SLC22A15: variants seen among roughly 807,000 people sequenced by gnomAD.
SLC22A15 encodes solute carrier family 22 member 15.
A neutral mutation model predicts 62.7 loss-of-function variants in SLC22A15; 45 were observed. That is an observed-to-expected ratio of 0.72 (90% confidence interval 0.56 to 0.92). The LOEUF is 0.92. Among genes scored for constraint, SLC22A15 ranks in the 40% least tolerant of loss-of-function variants. The pLI is 0.00. For synonymous variants in SLC22A15, 264 were observed against 267.0 expected, an observed-to-expected ratio of 0.99 and a Z score of 0.11; for missense variants, 622 against 665.6, an observed-to-expected ratio of 0.93 and a Z score of 0.72.
At chr1:116,018,715 G>A (rs1656670730) in intron 2 of SLC22A15, among the ~76,000 whole-genome samples, 1 of 152,108 alleles carries the variant, frequency 6.6e-6, no homozygotes, top group South Asian at 2.1e-4. Flanking sequence ...GATCAAATAA[G>A]GGTAATTAGC....
rs1443697169 is a variant in SLC22A15, at chr1:116,020,721, G to T, written c.434G>T (p.Gly145Val). 1 of 1,607,730 alleles carries T rather than the reference G, an allele frequency of 6.2e-7. No homozygotes were observed. The highest frequency in any genetic ancestry group is 8.5e-7 in the Non-Finnish European group (1 of 1,176,478). Residue 145 changes from glycine (G) to valine (V), a missense_variant and splice_region_variant, in exon 4 of 12, where the codon GGT becomes GTT. By Grantham distance (109) the Gly-to-Val change is moderately radical. Coordinates refer to ENST00000369503, the MANE Select transcript of SLC22A15 (RefSeq NM_018420.3). ...ATTGAATATTGTTTTCTCTTTCTAG[G>T]TTTTGCTCTTGACATCTTATTTGCA... ...RFGRKKVYLT[G>V]FALDILFAIA...
intron 2 of SLC22A15, among the ~76,000 whole-genome samples, chr1:116,003,184 C>T (rs1358156594): frequency 1.3e-5 from 2 of 152,028 alleles, no homozygotes; most frequent in African/African-American, 4.8e-5. Flanking sequence ...TAGGACTCTG[C>T]TTGGTGCTTT....
intron 4 of SLC22A15, among the ~76,000 whole-genome samples, chr1:116,021,176 C>A (rs1557891184): frequency 1.3e-5 from 2 of 152,184 alleles, no homozygotes; most frequent in Non-Finnish European, 2.9e-5. Context: ...AGGACACTAG[C>A]AAATTTTTAC....
In SLC22A15 at chr1:116,065,567, T is replaced by C. The variant is rs190617425; in HGVS notation, c.1366-953T>C. On this transcript the variant is annotated intron_variant, in intron 10 of 11. Transcript: ENST00000369503. ...TGCTGGACATATGTTTGAGTGTAGATGGCTAGAGATGAGAGATTCTCCTCC... is the reference window on the plus strand; with the variant it reads ...TGCTGGACATATGTTTGAGTGTAGACGGCTAGAGATGAGAGATTCTCCTCC... Among the ~76,000 whole-genome samples, 220 of 152,240 alleles carry C rather than the reference T, an allele frequency of 1.4e-3. 1 individual carries two copies. The highest frequency in any genetic ancestry group is 2.4e-3 in the Non-Finnish European group (163 of 68,018).
intron 8 of SLC22A15, among the ~76,000 whole-genome samples, chr1:116,039,820 A>C (rs1657733884): frequency 1.3e-5 from 2 of 151,896 alleles, no homozygotes; most frequent in African/African-American, 2.4e-5. Flanking sequence ...AACCTTTTGT[A>C]TTTACTCTTT....
intron 4 of SLC22A15, among the ~76,000 whole-genome samples, chr1:116,022,092 T>C (rs1656864773): frequency 6.6e-6 from 1 of 152,176 alleles, no homozygotes; most frequent in Non-Finnish European, 1.5e-5. Flanking sequence ...GAAGGATCCA[T>C]AGGGTTGGAC....
rs972187074 is a variant in SLC22A15, at chr1:116,069,959, A to C, written c.*2851A>C. ...ACAAATGCTTTATCATTGGTTCTTA[A>C]ATTGGAAAAATATCTATAAATGATT... On this transcript the variant is annotated 3_prime_UTR_variant, in exon 12 of 12. Coordinates refer to ENST00000369503, the MANE Select transcript of SLC22A15 (RefSeq NM_018420.3). The C allele has an allele frequency of 6.6e-6, 1 of 152,204 alleles. No individual in the cohort carries two copies. The highest frequency in any genetic ancestry group is 1.5e-5 in the Non-Finnish European group (1 of 68,018). 9.4% of individuals were successfully genotyped at this position (152,204 alleles called of 1,614,324 possible). A position where few individuals can be genotyped will look rare whatever the true frequency, so the allele number is the denominator to read the frequency against.
rs1230459840 is a variant in SLC22A15 at position 116,067,971 on chromosome 1, C to T, written c.*863C>T. 2 of 122,914 alleles carry T rather than the reference C, an allele frequency of 1.6e-5. No individual in the cohort carries two copies. The highest frequency in any genetic ancestry group is 2.5e-5 in the African/African-American group (1 of 40,580). The allele number at this position is 122,914 out of a possible 1,614,324, so 7.6% of individuals were successfully genotyped here. A position where few individuals can be genotyped will look rare whatever the true frequency, so the allele number is the denominator to read the frequency against. On this transcript the variant is annotated 3_prime_UTR_variant, in exon 12 of 12. Coordinates refer to ENST00000369503, the MANE Select transcript of SLC22A15 (RefSeq NM_018420.3). ...CAGTTAAACAGTGACATGTTGAGCA[C>T]CTGGAGGAAAAAAAAGGTGCAGTTT...
At chr1:116,019,503 A>G in intron 2 of SLC22A15, 79 bp from the exon 3 acceptor site, 2 of 1,389,904 alleles carry the variant, frequency 1.4e-6, no homozygotes, top group Non-Finnish European at 1.9e-6. Flanking sequence ...ATTCTGGTGT[A>G]CAAGTTTTTG....
intron 8 of SLC22A15, among the ~76,000 whole-genome samples, chr1:116,058,120 A>T (rs990125456): frequency 2.6e-5 from 4 of 151,972 alleles, no homozygotes; most frequent in Non-Finnish European, 5.9e-5. Context: ...AATAGTTGGG[A>T]CTTAATTAAA....
intron 2 of SLC22A15, chr1:116,017,339 C>G (rs997963614): frequency 7.4e-6 from 1 of 134,716 alleles, no homozygotes; most frequent in African/African-American, 2.9e-5. Context: ...CCACAGCACT[C>G]CAGCCTGAGC....
chr1:115,988,518 C>A (rs567503374), intron 1 of SLC22A15, among the ~76,000 whole-genome samples: 3 of 151,976 alleles, frequency 2.0e-5, no homozygotes, highest in Non-Finnish European at 4.4e-5. Context: ...TAAGTGACTG[C>A]AGAATAGAGG....
chr1:116,027,254 T>C (rs892775522), intron 5 of SLC22A15: 77 of 634,110 alleles, frequency 1.2e-4, no homozygotes, highest in Non-Finnish European at 2.0e-4. Context: ...ATACACTGCA[T>C]TGTAACCTTC....
At chr1:115,976,735 A>T (rs764207935) in intron 1 of SLC22A15, 21 bp downstream of exon 1, 2 of 1,566,614 alleles carry the variant, frequency 1.3e-6, no homozygotes, top group Admixed American at 3.5e-5. Context: ...GCGGCCCCGC[A>T]GCCGCATTTC....
rs1314509609 is a variant in SLC22A15 at position 116,069,653 on chromosome 1, G to T, written c.*2545G>T. The T allele has an allele frequency of 6.6e-6, 1 of 152,176 alleles. No homozygotes were observed. Among genetic ancestry groups the T allele is most frequent in the East Asian group, 1.9e-4 (1 of 5,182 alleles). The allele number at this position is 152,176 out of a possible 1,614,324, so 9.4% of individuals were successfully genotyped here. On this transcript the variant is annotated 3_prime_UTR_variant, in exon 12 of 12. Coordinates refer to ENST00000369503, the MANE Select transcript of SLC22A15 (RefSeq NM_018420.3). ...TCTGATTTTGTGAGTTACAACCACA[G>T]CCCAGTAAAACCAATACTTGTTATT...
chr1:116,053,903 A>G (rs1450014098), intron 8 of SLC22A15, among the ~76,000 whole-genome samples: 1 of 152,054 alleles, frequency 6.6e-6, no homozygotes, highest in Non-Finnish European at 1.5e-5. Context: ...TCCTGAAGGA[A>G]GCACTAAACA....
intron 8 of SLC22A15, among the ~76,000 whole-genome samples, chr1:116,059,855 A>G (rs1018579225): frequency 1.3e-5 from 2 of 152,230 alleles, no homozygotes; most frequent in Admixed American, 6.5e-5. Context: ...CCCAAATGGT[A>G]TCTGGAAAAC....
intron 2 of SLC22A15, among the ~76,000 whole-genome samples, chr1:116,012,208 A>G (rs556240646): frequency 1.3e-5 from 2 of 152,340 alleles, no homozygotes; most frequent in South Asian, 4.1e-4. Context: ...TTTAGGTCAC[A>G]GGAAAAAACG....
intron 1 of SLC22A15, among the ~76,000 whole-genome samples, chr1:115,989,794 A>AAT (rs57107799): frequency 1.3e-5 from 2 of 151,588 alleles, no homozygotes; most frequent in African/African-American, 4.9e-5. Flanking sequence ...AAAAAAAAAA[A>AAT]TGATATGTTA....
Sources: allele counts gnomAD v4.1 joint callset (sites outside exome capture counted in the v4.1 genomes callset), GRCh38; gene constraint gnomAD v4.1.1; transcripts MANE v1.5; gene names NCBI Gene and HGNC (gene_info 2026-07-23, HGNC 2026-07-21).